TEX11: variants seen among roughly 807,000 people sequenced by gnomAD.
The protein encoded by TEX11 is testis-expressed protein 11.
A neutral mutation model predicts 84.4 loss-of-function variants in TEX11; 7 were observed. That is an observed-to-expected ratio of 0.08 (90% CI 0.05 to 0.16). TEX11 has a LOEUF of 0.16. Ranked by LOEUF, TEX11 falls within the 10% of genes least tolerant of loss-of-function variation. The probability of loss-of-function intolerance (pLI) is 1.00; values close to 1 mark genes in which losing one functional copy is unlikely to be tolerated. For synonymous variants in TEX11, 264 were observed against 222.8 expected, an observed-to-expected ratio of 1.18 and a Z score of -1.64; for missense variants, 551 against 660.5, an observed-to-expected ratio of 0.83 and a Z score of 1.82.
intron 7 of TEX11, among the ~76,000 whole-genome samples, chrX:70,846,682 G>A (rs769397755): frequency 1.8e-5 from 2 of 111,950 alleles, no homozygotes; most frequent in Non-Finnish European, 3.8e-5. Context: ...CCAGCAGTTT[G>A]GGAGGCCAAG....
intron 13 of TEX11, among the ~76,000 whole-genome samples, chrX:70,706,337 T>C (rs778104815): frequency 1.0e-4 from 11 of 109,273 alleles, no homozygotes; most frequent in Admixed American, 3.9e-4. Context: ...GGGATAGCAT[T>C]AGGAGATATA....
At chrX:70,666,103 A>C (rs1043771118) in intron 16 of TEX11, among the ~76,000 whole-genome samples, 4 of 111,850 alleles carry the variant, frequency 3.6e-5, no homozygotes, top group Non-Finnish European at 5.6e-5. Flanking sequence ...TCTGTCCTCA[A>C]GGAGGTGACT....
At chrX:70,845,944 C>G (rs750454075) in intron 7 of TEX11, 1 of 111,787 alleles carries the variant, frequency 8.9e-6, no homozygotes, top group Non-Finnish European at 1.9e-5. Context: ...GAGTGTTTCC[C>G]TTTTCATCAC....
chrX:70,592,694 A>G (rs897012605), intron 24 of TEX11, among the ~76,000 whole-genome samples: 4 of 110,884 alleles, frequency 3.6e-5, no homozygotes, highest in South Asian at 7.7e-4. Flanking sequence ...CACTCATACA[A>G]TTGGATTGTC....
At chrX:70,872,029 A>C (rs2091632632) in intron 4 of TEX11, among the ~76,000 whole-genome samples, 1 of 111,123 alleles carries the variant, frequency 9.0e-6, no homozygotes, top group Admixed American at 9.7e-5. Context: ...ATGAGACAGT[A>C]CATGGGAAGA....
chrX:70,515,208 C>T, the TEX11 span, among the ~76,000 whole-genome samples: 238 of 111,505 alleles, frequency 2.1e-3, no homozygotes, highest in African/African-American at 6.7e-3. Context: ...CATGTTGGTG[C>T]GCTGCACCCA....
At chrX:70,806,963 C>T (rs1243743251) in intron 8 of TEX11, among the ~76,000 whole-genome samples, 173 bp from the exon 9 acceptor site, 2 of 112,374 alleles carry the variant, frequency 1.8e-5, no homozygotes, top group African/African-American at 6.5e-5. Flanking sequence ...GTGTCCTATA[C>T]ATCAAAATAA....
chrX:70,701,953 G>C (rs2090329318), intron 13 of TEX11, among the ~76,000 whole-genome samples: 1 of 112,023 alleles, frequency 8.9e-6, no homozygotes, highest in African/African-American at 3.2e-5. Flanking sequence ...GACTTGAATG[G>C]ATGAGAAGTT....
At chrX:70,724,846 T>C (rs1324554650) in intron 12 of TEX11, among the ~76,000 whole-genome samples, 6 of 111,314 alleles carry the variant, frequency 5.4e-5, no homozygotes, top group Non-Finnish European at 1.1e-4. Flanking sequence ...TTGTGCAGTG[T>C]ACATTCTGGT....
chrX:70,644,948 A>C (rs1287340471), intron 17 of TEX11, among the ~76,000 whole-genome samples: 1 of 110,051 alleles, frequency 9.1e-6, no homozygotes, highest in Non-Finnish European at 1.9e-5. Flanking sequence ...AAGATAAATA[A>C]AATAAAAAAA....
At chrX:70,534,737 C>G (rs1050057747) in intron 28 of TEX11, among the ~76,000 whole-genome samples, 2 of 111,430 alleles carry the variant, frequency 1.8e-5, no homozygotes, top group Non-Finnish European at 1.9e-5. Flanking sequence ...CATAGATTCC[C>G]AAAGTAAATA....
chrX:70,849,135 A>C (rs1436344893), intron 7 of TEX11, among the ~76,000 whole-genome samples: 3 of 112,559 alleles, frequency 2.7e-5, no homozygotes, highest in African/African-American at 9.7e-5. Flanking sequence ...TAGGAAGGTC[A>C]TGTGACCACT....
At chrX:70,536,894 A>T (rs1025888338) in intron 28 of TEX11, among the ~76,000 whole-genome samples, 1 of 111,800 alleles carries the variant, frequency 8.9e-6, no homozygotes, top group Non-Finnish European at 1.9e-5. Context: ...AGGGAAACTG[A>T]CTTTATACTG....
intron 20 of TEX11, among the ~76,000 whole-genome samples, chrX:70,614,854 G>A (rs759032897): frequency 9.0e-6 from 1 of 111,015 alleles, no homozygotes; most frequent in African/African-American, 3.3e-5. Flanking sequence ...GAGAGAGAGA[G>A]ACTCCGTTTG....
intron 3 of TEX11, among the ~76,000 whole-genome samples, chrX:70,878,965 C>T (rs1377944986): frequency 8.9e-6 from 1 of 112,258 alleles, no homozygotes; most frequent in Non-Finnish European, 1.9e-5. Context: ...AGTACAAATA[C>T]ATGCAACAAT....
chrX:70,902,162 G>A (rs1002634819), intron 2 of TEX11, among the ~76,000 whole-genome samples: 3 of 111,915 alleles, frequency 2.7e-5, no homozygotes, highest in Non-Finnish European at 5.6e-5. Flanking sequence ...GAGGTGGGAG[G>A]ATTACTTGGG....
At chrX:70,743,417 T>C (rs1210065494) in intron 10 of TEX11, among the ~76,000 whole-genome samples, 2 of 112,234 alleles carry the variant, frequency 1.8e-5, no homozygotes, top group Non-Finnish European at 3.8e-5. Flanking sequence ...ATCAAATGGA[T>C]ATTCAAAAGA....
intron 13 of TEX11, among the ~76,000 whole-genome samples, chrX:70,695,929 A>C (rs2090276286): frequency 1.8e-5 from 2 of 112,342 alleles, no homozygotes; most frequent in African/African-American, 6.5e-5. Flanking sequence ...TGGGGTACAT[A>C]ATTGATTCTT....
At chrX:70,712,221 A>T (rs1468777641) in intron 13 of TEX11, among the ~76,000 whole-genome samples, 3 of 111,286 alleles carry the variant, frequency 2.7e-5, no homozygotes, top group Non-Finnish European at 3.8e-5. Flanking sequence ...AGTCAGGAAG[A>T]GTGATGCCTC....
Sources: allele counts gnomAD v4.1 joint callset (sites outside exome capture counted in the v4.1 genomes callset), GRCh38; gene constraint gnomAD v4.1.1; transcripts MANE v1.5; gene names NCBI Gene and HGNC (gene_info 2026-07-23, HGNC 2026-07-21).